C1GALT1: variants seen among roughly 807,000 people sequenced by gnomAD.
The protein encoded by C1GALT1 is core 1 synthase, glycoprotein-N-acetylgalactosamine 3-beta-galactosyltransferase 1, also known as glycoprotein-N-acetylgalactosamine 3-beta-galactosyltransferase 1.
In C1GALT1, 11 loss-of-function variants were observed where a neutral mutation model predicts 31.0. The ratio of observed to expected loss-of-function variants is 0.36; its 90% CI spans 0.22 to 0.59. The LOEUF (loss-of-function observed/expected upper bound fraction) is 0.59. Ranked by LOEUF, C1GALT1 falls within the 20% of genes least tolerant of loss-of-function variation. The pLI is 0.79. For synonymous variants in C1GALT1, 175 were observed against 143.6 expected (o/e 1.22, Z -1.56); for missense variants, 424 against 425.2 (o/e 1.00, Z 0.03).
chr7:7,229,789 C>T (rs1782981137), intron 1 of C1GALT1, among the ~76,000 whole-genome samples: 1 of 152,162 alleles, frequency 6.6e-6, no homozygotes, highest in Non-Finnish European at 1.5e-5. Context: ...TTGAGACCCC[C>T]TCATCAGAGA....
intron 1 of C1GALT1, among the ~76,000 whole-genome samples, chr7:7,201,982 G>A (rs1405253925): frequency 3.9e-5 from 6 of 152,224 alleles, no homozygotes; most frequent in Admixed American, 1.3e-4. Context: ...GACAAAGTCA[G>A]GAATGGCTTC....
intron 1 of C1GALT1, among the ~76,000 whole-genome samples, chr7:7,198,109 T>G (rs1057230932): frequency 6.9e-4 from 105 of 152,346 alleles, no homozygotes; most frequent in African/African-American, 2.2e-3. Context: ...CCCTGTCTTG[T>G]GCCAGTTTTC....
intron 1 of C1GALT1, among the ~76,000 whole-genome samples, chr7:7,230,251 A>G (rs1783006514): frequency 1.3e-5 from 2 of 152,290 alleles, no homozygotes; most frequent in South Asian, 4.1e-4. Context: ...GTTTTTGTAT[A>G]CACTTTTTAC....
intron 1 of C1GALT1, among the ~76,000 whole-genome samples, chr7:7,204,904 C>G (rs1781671672): frequency 6.6e-6 from 1 of 151,782 alleles, no homozygotes; most frequent in Admixed American, 6.5e-5. Context: ...ACTTTGTATG[C>G]TATCTGTCTT....
Position 7,247,208 on chromosome 7 carries a change from A to G in C1GALT1, c.*3481A>G, listed in dbSNP as rs1159418776. The G allele has an allele frequency of 6.6e-6, 1 of 152,168 alleles. No homozygotes were observed. The highest frequency in any genetic ancestry group is 1.5e-5 in the Non-Finnish European group (1 of 67,992). 9.4% of individuals were successfully genotyped at this position (152,168 alleles called of 1,614,324 possible). On this transcript the variant is annotated 3_prime_UTR_variant, in exon 4 of 4. Transcript: ENST00000436587. The stretch of plus-strand genomic sequence containing the variant: ...AAGAAAAATAAAAAAGCAATTCTCC[A>G]AGTACTTCATAGAGCACATAAAACC...
At chr7:7,214,514 T>C (rs907854864) in intron 1 of C1GALT1, among the ~76,000 whole-genome samples, 2 of 152,214 alleles carry the variant, frequency 1.3e-5, no homozygotes, top group African/African-American at 4.8e-5. Context: ...AGGAAATCCT[T>C]TTAAATCCCC....
chr7:7,203,953 C>T (rs1781622466), intron 1 of C1GALT1, among the ~76,000 whole-genome samples: 1 of 152,006 alleles, frequency 6.6e-6, no homozygotes. Flanking sequence ...TCCTTTAACA[C>T]ATCTCTCCCT....
Position 7,248,090 on chromosome 7 carries a change from C to T in C1GALT1, c.*4363C>T, listed in dbSNP as rs1250051543. 4 of 151,970 alleles carry T rather than the reference C, an allele frequency of 2.6e-5. No individual in the cohort carries two copies. Among genetic ancestry groups the T allele is most frequent in the African/African-American group, 9.7e-5 (4 of 41,420 alleles). 9.4% of individuals were successfully genotyped at this position (151,970 alleles called of 1,614,324 possible). On this transcript the variant is annotated 3_prime_UTR_variant, in exon 4 of 4. Transcript: ENST00000436587. Reference sequence around the variant, plus strand: ...TAGGCCTGACAGAAACATAGTGAAGCAATCTGGGAGGCAACCTGTGGTAGA... The same window carrying T: ...TAGGCCTGACAGAAACATAGTGAAGTAATCTGGGAGGCAACCTGTGGTAGA...
chr7:7,218,175 A>C (rs149459871), intron 1 of C1GALT1, among the ~76,000 whole-genome samples: 309 of 152,300 alleles, frequency 2.0e-3, no homozygotes, highest in African/African-American at 6.2e-3. Context: ...GAGTAGACAA[A>C]ATCAGGCCAG....
intron 1 of C1GALT1, among the ~76,000 whole-genome samples, chr7:7,203,018 C>T (rs745775376): frequency 8.7e-5 from 13 of 149,424 alleles, no homozygotes; most frequent in Admixed American, 2.7e-4. Context: ...CTAGTTAGTG[C>T]GTAAAAATGT....
intron 1 of C1GALT1, among the ~76,000 whole-genome samples, chr7:7,229,689 G>A (rs1782976035): frequency 6.6e-6 from 1 of 152,188 alleles, no homozygotes; most frequent in Non-Finnish European, 1.5e-5. Flanking sequence ...CTTAAGACAG[G>A]AGGGATATGT....
chr7:7,233,834 A>T (rs1405153233), intron 1 of C1GALT1, among the ~76,000 whole-genome samples: 1 of 152,242 alleles, frequency 6.6e-6, no homozygotes, highest in African/African-American at 2.4e-5. Context: ...TTTAAGAAGA[A>T]GATGCAACAG....
chr7:7,158,756 A>T (rs1780301351), intron 2 of C1GALT1, among the ~76,000 whole-genome samples: 1 of 152,012 alleles, frequency 6.6e-6, no homozygotes, highest in African/African-American at 2.4e-5. Context: ...TAGGTGGTCA[A>T]ATAAGTGTTT....
intron 1 of C1GALT1, among the ~76,000 whole-genome samples, chr7:7,191,424 G>T (rs1781066424): frequency 6.6e-6 from 1 of 152,060 alleles, no homozygotes; most frequent in African/African-American, 2.4e-5. Flanking sequence ...TAGCTCTTGT[G>T]AATACTGCTG....
chr7:7,170,221 T>A (rs1408054498), intron 2 of C1GALT1, among the ~76,000 whole-genome samples: 1 of 152,208 alleles, frequency 6.6e-6, no homozygotes, highest in East Asian at 1.9e-4. Flanking sequence ...TTGATTACTT[T>A]TTTTACAGAG....
chr7:7,210,813 G>T (rs1469537819), intron 1 of C1GALT1, among the ~76,000 whole-genome samples: 1 of 152,190 alleles, frequency 6.6e-6, no homozygotes, highest in East Asian at 1.9e-4. Context: ...GTTTCTAATG[G>T]CCTAAATTTG....
intron 1 of C1GALT1, among the ~76,000 whole-genome samples, chr7:7,216,406 CCA>C: frequency 6.6e-6 from 1 of 152,184 alleles, no homozygotes; most frequent in Non-Finnish European, 1.5e-5. Flanking sequence ...ATGGGGCTAA[CCA>C]CATCTACCCA....
intron 2 of C1GALT1, chr7:7,234,929 T>C (rs79277071): frequency 6.5e-6 from 1 of 154,172 alleles, no homozygotes; most frequent in African/African-American, 2.4e-5. Context: ...AAGTTTCGAT[T>C]TATATTTTTA....
At chr7:7,233,592 G>T (rs576058897) in intron 1 of C1GALT1, among the ~76,000 whole-genome samples, 1 of 152,324 alleles carries the variant, frequency 6.6e-6, no homozygotes, top group South Asian at 2.1e-4. Context: ...TTTCTATAAA[G>T]GGCTAGGTAC....
Sources: gnomAD v4.1 joint callset for allele counts (sites outside exome capture counted in the v4.1 genomes callset) on GRCh38, gnomAD v4.1.1 for gene constraint, MANE v1.5 for transcripts, NCBI Gene and HGNC (gene_info 2026-07-23, HGNC 2026-07-21) for gene names.